CYB5R4: variants seen among roughly 807,000 people sequenced by gnomAD.
CYB5R4 encodes cytochrome b5 reductase 4.
CYB5R4 carries 55 observed loss-of-function variants against 70.2 expected under a neutral mutation model. The ratio of observed to expected loss-of-function variants is 0.78; its 90% CI spans 0.63 to 0.98. CYB5R4 has a LOEUF of 0.98. Ranked by LOEUF, CYB5R4 falls within the 50% of genes least tolerant of loss-of-function variation. The pLI, the probability that CYB5R4 is intolerant of heterozygous loss-of-function variation, is 0.00. For synonymous variants in CYB5R4, 197 were observed against 199.5 expected (o/e 0.99, Z 0.11); for missense variants, 562 against 612.6 (o/e 0.92, Z 0.87).
Position 83,934,645 on chromosome 6 carries a change from G to T in CYB5R4, c.865G>T (p.Asp289Tyr). 6.2e-7 allele frequency: 1 copy of T among 1,613,178 alleles called. No homozygotes were observed. Among genetic ancestry groups the T allele is most frequent in the Non-Finnish European group, 8.5e-7 (1 of 1,179,252 alleles). ...AATTTCCAAGGAAGATGTTACTCATGATACGAGGCTTTTCTGTTTGATGCT... is the reference window on the plus strand; with the variant it reads ...AATTTCCAAGGAAGATGTTACTCATTATACGAGGCTTTTCTGTTTGATGCT... ...QLISKEDVTH[D>Y]TRLFCLMLPP... The change falls in exon 11 of 16, where the codon GAT (aspartate) becomes TAT (tyrosine). Residue 289 changes from aspartate to tyrosine, a missense_variant. Coordinates refer to ENST00000369681, the MANE Select transcript of CYB5R4 (RefSeq NM_016230.4).
chr6:83,945,215 A>G (rs1265351173), intron 14 of CYB5R4, among the ~76,000 whole-genome samples: 1 of 152,200 alleles, frequency 6.6e-6, no homozygotes, highest in Non-Finnish European at 1.5e-5. Flanking sequence ...CAGAAATCAT[A>G]ACGGTCTCCC....
intron 2 of CYB5R4, among the ~76,000 whole-genome samples, chr6:83,889,025 T>C (rs1278897988): frequency 6.6e-6 from 1 of 152,208 alleles, no homozygotes. Flanking sequence ...ATGCTAACTG[T>C]CTGCAATTCT....
chr6:83,952,570 T>A (rs2099471717), intron 14 of CYB5R4, among the ~76,000 whole-genome samples: 1 of 151,846 alleles, frequency 6.6e-6, no homozygotes, highest in Admixed American at 6.6e-5. Flanking sequence ...CAGAGTAGAG[T>A]TGTTTTGTTG....
At chr6:83,945,162 C>T (rs2099470372) in intron 14 of CYB5R4, among the ~76,000 whole-genome samples, 1 of 152,112 alleles carries the variant, frequency 6.6e-6, no homozygotes, top group South Asian at 2.1e-4. Flanking sequence ...TAAAATCGAC[C>T]ACATAATTGG....
At chr6:83,883,468 C>G (rs889641466) in intron 2 of CYB5R4, among the ~76,000 whole-genome samples, 2 of 152,140 alleles carry the variant, frequency 1.3e-5, no homozygotes, top group African/African-American at 2.4e-5. Flanking sequence ...ATCTGGAAAG[C>G]TGCCAGAGAA....
intron 14 of CYB5R4, among the ~76,000 whole-genome samples, chr6:83,947,790 A>G (rs1054380146): frequency 1.3e-5 from 2 of 152,218 alleles, no homozygotes; most frequent in African/African-American, 4.8e-5. Flanking sequence ...CATACTGGTC[A>G]TTAGAGAAAT....
At chr6:83,919,762 G>C (rs929092795) in intron 7 of CYB5R4, among the ~76,000 whole-genome samples, 3 of 53,460 alleles carry the variant, frequency 5.6e-5, no homozygotes, top group Non-Finnish European at 7.6e-5. Context: ...GTGTTTTTCT[G>C]TGTGTGTGTG....
intron 15 of CYB5R4, among the ~76,000 whole-genome samples, chr6:83,955,814 T>G (rs1408931): frequency 1.3e-5 from 2 of 151,988 alleles, no homozygotes; most frequent in Admixed American, 1.3e-4. Context: ...TAATAAGGAA[T>G]GTTCATCTCA....
rs536750272 is a variant in CYB5R4 at position 83,962,162 on chromosome 6, T to C, written c.*2284T>C. 5 of 152,330 alleles carry C rather than the reference T, an allele frequency of 3.3e-5. No individual in the cohort carries two copies. Among genetic ancestry groups the C allele is most frequent in the Admixed American group, 3.3e-4 (5 of 15,288 alleles). The allele number at this position is 152,330 out of a possible 1,614,324, so 9.4% of individuals were successfully genotyped here. On this transcript the variant is annotated 3_prime_UTR_variant, in exon 16 of 16. Coordinates refer to ENST00000369681, the MANE Select transcript of CYB5R4 (RefSeq NM_016230.4). ...AGGAATCAACATCAATGTCCCCTTC[T>C]CCAGTCTGACTCTTCCATACCAGCT...
chr6:83,902,303 C>A (rs992438810), intron 3 of CYB5R4, among the ~76,000 whole-genome samples: 2 of 152,028 alleles, frequency 1.3e-5, no homozygotes, highest in South Asian at 4.1e-4. Flanking sequence ...ATATTCTTGA[C>A]GTCATTGTTG....
At chr6:83,935,929 T>C (rs2099468849) in intron 11 of CYB5R4, among the ~76,000 whole-genome samples, 1 of 152,024 alleles carries the variant, frequency 6.6e-6, no homozygotes, top group Non-Finnish European at 1.5e-5. Flanking sequence ...TATTTGCTGA[T>C]GGAATAGATG....
intron 5 of CYB5R4, 95 bp from the exon 6 acceptor site, chr6:83,917,910 A>T: frequency 1.1e-6 from 1 of 924,008 alleles, no homozygotes; most frequent in Non-Finnish European, 1.7e-6. Context: ...GTATCCTTTT[A>T]TGAATATATG....
chr6:83,941,778 A>G (rs1056841741), intron 14 of CYB5R4, among the ~76,000 whole-genome samples: 2 of 152,204 alleles, frequency 1.3e-5, no homozygotes, highest in Non-Finnish European at 2.9e-5. Context: ...GTTGTGTGGC[A>G]TTTTAGAGAA....
chr6:83,916,398 TAA>T (rs1166568420), intron 5 of CYB5R4, among the ~76,000 whole-genome samples: 2 of 152,198 alleles, frequency 1.3e-5, no homozygotes, highest in East Asian at 1.9e-4. Context: ...TTTATATACT[TAA>T]GAGACTTCCA....
chr6:83,864,500 G>A (rs1469823543), intron 2 of CYB5R4, among the ~76,000 whole-genome samples, 172 bp downstream of exon 2: 1 of 152,098 alleles, frequency 6.6e-6, no homozygotes, highest in African/African-American at 2.4e-5. Context: ...TCTTCCTTAG[G>A]TAACCATTAT....
chr6:83,948,424 G>C (rs1309483216), intron 14 of CYB5R4, among the ~76,000 whole-genome samples: 1 of 152,120 alleles, frequency 6.6e-6, no homozygotes, highest in Admixed American at 6.6e-5. Flanking sequence ...GTAGATGACA[G>C]GTTGATGGGT....
intron 3 of CYB5R4, among the ~76,000 whole-genome samples, chr6:83,901,362 A>G (rs1197713048): frequency 6.6e-6 from 1 of 152,120 alleles, no homozygotes; most frequent in Non-Finnish European, 1.5e-5. Context: ...TTTGTGGGTT[A>G]CCCGACCTTT....
At chr6:83,903,176 T>C (rs1439150478) in intron 3 of CYB5R4, among the ~76,000 whole-genome samples, 1 of 152,094 alleles carries the variant, frequency 6.6e-6, no homozygotes, top group Non-Finnish European at 1.5e-5. Flanking sequence ...GGCCTTTTAT[T>C]ATTTTGAGGT....
intron 2 of CYB5R4, among the ~76,000 whole-genome samples, chr6:83,879,039 G>C (rs1443154585): frequency 1.3e-5 from 2 of 152,100 alleles, no homozygotes; most frequent in African/African-American, 2.4e-5. Context: ...GACTTGTAGT[G>C]GGGGCAGAAG....
Sources: allele counts gnomAD v4.1 joint callset (sites outside exome capture counted in the v4.1 genomes callset), GRCh38; gene constraint gnomAD v4.1.1; transcripts MANE v1.5; gene names NCBI Gene and HGNC (gene_info 2026-07-23, HGNC 2026-07-21).